Variants in TASOR2 observed in about 807,000 individuals in gnomAD.
TASOR2 encodes protein TASOR 2.
In TASOR2, 84 loss-of-function variants were observed where a neutral mutation model predicts 199.5. That is an observed-to-expected ratio of 0.42 (90% CI 0.35 to 0.50). The LOEUF (loss-of-function observed/expected upper bound fraction) is 0.50. TASOR2 is among the 20% of genes least tolerant of loss of function. TASOR2 has a pLI of 0.02. For missense variants in TASOR2, 2,796 were observed against 2,835.9 expected, an observed-to-expected ratio of 0.99 and a Z score of 0.32; for synonymous variants, 1,103 against 1,046.6, an observed-to-expected ratio of 1.05 and a Z score of -1.04.
chr10:5,735,235 A>G (rs1254055757), intron 11 of TASOR2, 69 bp from the exon 13 acceptor site: 3 of 1,540,872 alleles, frequency 1.9e-6, no homozygotes, highest in Non-Finnish European at 2.6e-6. Flanking sequence ...AACAAAACAA[A>G]AAATGGAAAA....
chr10:5,727,275 C>T lies in TASOR2; in HGVS notation c.487+152C>T, dbSNP rs543714871. On this transcript the variant is annotated intron_variant, in intron 10 of 20. Coordinates refer to ENST00000328090, the Ensembl canonical transcript of TASOR2. ...ATCACTGGTTCACCCTTCTTGACCTCCCTTGTAGGTTTATGCTTCCCTCTG... is the reference window on the plus strand; with the variant it reads ...ATCACTGGTTCACCCTTCTTGACCTTCCTTGTAGGTTTATGCTTCCCTCTG... The T allele has an allele frequency of 2.2e-5, 16 of 742,970 alleles. 1 individual carries two copies. In the South Asian group the frequency reaches 2.7e-4, roughly 12 times the overall value. The allele number at this position is 742,970 out of a possible 1,614,324, so 46.0% of individuals were successfully genotyped here. A position where few individuals can be genotyped will look rare whatever the true frequency, so the allele number is the denominator to read the frequency against.
chr10:5,735,988 G>C (rs915515639), intron 12 of TASOR2, among the ~76,000 whole-genome samples: 1 of 152,146 alleles, frequency 6.6e-6, no homozygotes, highest in Non-Finnish European at 1.5e-5. Flanking sequence ...TATTTATTTA[G>C]AGACAGGGTC....
intron 1 of TASOR2, among the ~76,000 whole-genome samples, chr10:5,702,948 A>G (rs1838086895): frequency 6.6e-6 from 1 of 152,228 alleles, no homozygotes. Context: ...AGAAAATAGT[A>G]GAGGAACTAC....
chr10:5,685,139 C>T lies in TASOR2; in HGVS notation c.-324C>T, dbSNP rs1376743676. ...CATGGGAAGGAGGCCGAGCCGGGAT[C>T]TCAGGTCCTCGGGGGCGGCGGCCAC... On this transcript the variant is annotated 5_prime_UTR_variant, in exon 1 of 21. Coordinates refer to ENST00000328090, the Ensembl canonical transcript of TASOR2. The surrounding 1 kb of genome is among the most constrained non-coding windows in gnomAD (Gnocchi z 5.4). The T allele has an allele frequency of 5.0e-6, 2 of 398,230 alleles. No homozygotes were observed. Among genetic ancestry groups the T allele is most frequent in the African/African-American group, 2.1e-5 (1 of 48,732 alleles). The allele number at this position is 398,230 out of a possible 1,614,324, so 24.7% of individuals were successfully genotyped here. A position where few individuals can be genotyped will look rare whatever the true frequency, so the allele number is the denominator to read the frequency against.
rs1049057846 is a variant in TASOR2, at chr10:5,751,079, A to T, written c.6606+1052A>T. On this transcript the variant is annotated intron_variant, in intron 15 of 20. Coordinates refer to ENST00000328090, the Ensembl canonical transcript of TASOR2. The surrounding 1 kb of genome is among the most constrained non-coding windows in gnomAD (Gnocchi z 5.3). ...TCAGATATCATGTAGTGCTCTTGTC[A>T]GTGCATTCATTGTATCAGGAGGCAC... is the stretch of plus-strand genomic sequence containing the variant. Among the ~76,000 whole-genome samples, 12 of 152,240 alleles carry T rather than the reference A, an allele frequency of 7.9e-5. No individual in the cohort carries two copies. Among genetic ancestry groups the T allele is most frequent in the Non-Finnish European group, 2.9e-5 (2 of 68,046 alleles).
Position 5,730,893 on chromosome 10 carries a change from A to G in TASOR2, c.894A>G (p.Gly298=), listed in dbSNP as rs1360199973. The change falls in exon 11 of 21, where the codon GGA becomes GGG. Residue 298 remains glycine (G), a synonymous_variant. Coordinates refer to ENST00000328090, the Ensembl canonical transcript of TASOR2. This position sits in a 1 kb window ranked among gnomAD's most constrained non-coding sequence, Gnocchi z 4.1. ...TTTCAGACGGAATTTGTGATGCTGG[A>G]TTTTCCTTAGTTATGACTCCAGATC... 9.9e-6 allele frequency: 16 copies of G among 1,614,082 alleles called. No homozygotes were observed. Among genetic ancestry groups the G allele is most frequent in the African/African-American group, 2.7e-5 (2 of 74,916 alleles).
At chr10:5,744,908 C>T (rs942189837) in intron 14 of TASOR2, among the ~76,000 whole-genome samples, 102 of 152,250 alleles carry the variant, frequency 6.7e-4, no homozygotes, top group African/African-American at 2.3e-3. Context: ...AGATTACAGG[C>T]GTGAGAAGCC....
intron 1 of TASOR2, among the ~76,000 whole-genome samples, chr10:5,707,059 A>G (rs1291773364): frequency 2.0e-5 from 3 of 152,186 alleles, no homozygotes; most frequent in Non-Finnish European, 4.4e-5. Context: ...ATTAATAACA[A>G]TAGCTTCCTT....
Position 5,720,937 on chromosome 10 carries a change from G to C in TASOR2, c.113G>C (p.Trp38Ser). 3 of 1,613,242 alleles carry C rather than the reference G, an allele frequency of 1.9e-6. No homozygotes were observed. Among genetic ancestry groups the C allele is most frequent in the Non-Finnish European group, 2.5e-6 (3 of 1,179,692 alleles). Residue 38 changes from tryptophan (W) to serine (S), a missense_variant, in exon 6 of 21, where the codon TGG becomes TCG. Physicochemically the swap from Trp to Ser is radical, Grantham distance 177. Coordinates refer to ENST00000328090, the Ensembl canonical transcript of TASOR2. The surrounding 1 kb of genome is among the most constrained non-coding windows in gnomAD (Gnocchi z 5.3). ...CGTATGCTATGTGATATAGCTCTTT[G>C]GTCCACTTACGGTGCAATGATTCCA...
intron 10 of TASOR2, among the ~76,000 whole-genome samples, chr10:5,728,087 G>A (rs1250406081): frequency 6.6e-6 from 1 of 151,846 alleles, no homozygotes; most frequent in Non-Finnish European, 1.5e-5. Context: ...TAGGCGTGGT[G>A]GCTTGCACCT....
chr10:5,715,675 G>A (rs1039439899), intron 2 of TASOR2, among the ~76,000 whole-genome samples: 9 of 151,548 alleles, frequency 5.9e-5, no homozygotes, highest in East Asian at 3.9e-4. Context: ...ACGGAGTTTC[G>A]CTCTGTCACC....
In TASOR2 at chr10:5,748,607, C is replaced by G; in HGVS notation, c.5186C>G (p.Ala1729Gly). 3 of 1,613,906 alleles carry G rather than the reference C, an allele frequency of 1.9e-6. No individual in the cohort carries two copies. Among genetic ancestry groups the G allele is most frequent in the Non-Finnish European group, 2.5e-6 (3 of 1,179,982 alleles). Reference sequence around the variant, plus strand: ...TCTTCTCTAAAAGGTGAACGCAAAGCCATCCACACGCTGCAAGATGTGTCA... The same window carrying G: ...TCTTCTCTAAAAGGTGAACGCAAAGGCATCCACACGCTGCAAGATGTGTCA... Residue 1729 changes from alanine to glycine, a missense_variant, in exon 15 of 21, where the codon GCC becomes GGC. Ala to Gly is a moderately conservative substitution (Grantham distance 60). Transcript: ENST00000328090. The surrounding 1 kb of genome is among the most constrained non-coding windows in gnomAD (Gnocchi z 5.1).
At chr10:5,707,432 A>T (rs1489788026) in intron 1 of TASOR2, among the ~76,000 whole-genome samples, 1 of 152,144 alleles carries the variant, frequency 6.6e-6, no homozygotes, top group South Asian at 2.1e-4. Flanking sequence ...GTTGGCTGCC[A>T]TCTTGGTTGC....
At chr10:5,756,800 C>T in intron 16 of TASOR2, 62 bp downstream of exon 17, 1 of 1,528,852 alleles carries the variant, frequency 6.5e-7, no homozygotes, top group Non-Finnish European at 8.8e-7. Flanking sequence ...CTGTAATGCT[C>T]AGACTCATCC....
At chr10:5,716,580 C>T (rs2131559752) in intron 2 of TASOR2, among the ~76,000 whole-genome samples, 1 of 152,112 alleles carries the variant, frequency 6.6e-6, no homozygotes, top group East Asian at 1.9e-4. Flanking sequence ...AAGTAAAGAG[C>T]ATACCATAAT....
chr10:5,735,541 A>T (rs1228723914), exon 12 of TASOR2: 1 of 1,612,968 alleles, frequency 6.2e-7, no homozygotes, highest in Non-Finnish European at 8.5e-7. Flanking sequence ...AAGCAGCTAC[A>T]ACCTGGTAAG....
chr10:5,735,460 C>T, exon 12 of TASOR2: 1 of 1,614,020 alleles, frequency 6.2e-7, no homozygotes, highest in Non-Finnish European at 8.5e-7. Flanking sequence ...AGGGCTAAGC[C>T]ACCTGTGAAG....
At chr10:5,718,194 A>C (rs1436525406) in intron 3 of TASOR2, among the ~76,000 whole-genome samples, 2 of 152,106 alleles carry the variant, frequency 1.3e-5, no homozygotes, top group Non-Finnish European at 2.9e-5. Flanking sequence ...TGATGCCACA[A>C]ATCCTTAAAT....
chr10:5,760,185 C>T (rs931626277), intron 18 of TASOR2, among the ~76,000 whole-genome samples: 5 of 152,094 alleles, frequency 3.3e-5, no homozygotes, highest in African/African-American at 9.7e-5. Flanking sequence ...ATACTGTAGG[C>T]AGATTTAATG....
Sources: gnomAD v4.1 joint callset for allele counts (sites outside exome capture counted in the v4.1 genomes callset) on GRCh38, gnomAD v4.1.1 for gene constraint, Gnocchi (gnomAD v3.1) non-coding constraint, MANE v1.5 for transcripts, NCBI Gene and HGNC (gene_info 2026-07-23, HGNC 2026-07-21) for gene names.